Variants in TFEC observed in about 807,000 individuals in gnomAD.
TFEC encodes class E basic helix-loop-helix protein 34.
In TFEC, 31 loss-of-function variants were observed where a neutral mutation model predicts 41.6. The ratio of observed to expected loss-of-function variants is 0.74; its 90% CI spans 0.56 to 1.01. The LOEUF (loss-of-function observed/expected upper bound fraction) is 1.01. Among genes scored for constraint, TFEC ranks in the 50% least tolerant of loss-of-function variants. The pLI is 0.00. For missense variants in TFEC, 402 were observed against 404.1 expected (o/e 0.99, Z 0.04); for synonymous variants, 143 against 140.6 (o/e 1.02, Z -0.12).
chr7:116,101,244 A>C (rs1001041746), intron 3 of TFEC, among the ~76,000 whole-genome samples: 3 of 148,912 alleles, frequency 2.0e-5, no homozygotes, highest in African/African-American at 7.4e-5. Flanking sequence ...GAGGATGGAC[A>C]CAAAGACTGA....
intron 3 of TFEC, among the ~76,000 whole-genome samples, chr7:116,053,538 G>A (rs1237317916): frequency 1.3e-5 from 2 of 152,222 alleles, no homozygotes; most frequent in East Asian, 1.9e-4. Flanking sequence ...GGTGGAAAAC[G>A]GGTGATTTGA....
chr7:116,057,403 C>G (rs1037328513), intron 3 of TFEC, among the ~76,000 whole-genome samples: 3 of 151,990 alleles, frequency 2.0e-5, no homozygotes, highest in South Asian at 2.1e-4. Context: ...AGATTTCTAT[C>G]ACTGAAGGTC....
intron 1 of TFEC, among the ~76,000 whole-genome samples, chr7:116,149,347 T>C (rs1316710307): frequency 1.3e-5 from 2 of 152,078 alleles, no homozygotes; most frequent in African/African-American, 4.8e-5. Context: ...TTTACACCAA[T>C]AAATTTGAAA....
At chr7:116,002,281 C>A (rs933252710) in intron 1 of TFEC, among the ~76,000 whole-genome samples, 1 of 152,174 alleles carries the variant, frequency 6.6e-6, no homozygotes, top group African/African-American at 2.4e-5. Context: ...ACCTAAGGAT[C>A]TATCAACATA....
At chr7:115,942,587 C>A (rs1793561294) in intron 6 of TFEC, among the ~76,000 whole-genome samples, 1 of 152,004 alleles carries the variant, frequency 6.6e-6, no homozygotes, top group African/African-American at 2.4e-5. Context: ...TGTAATAGAG[C>A]AAACTTTCTA....
At chr7:116,033,758 T>C (rs1183021272), upstream of TFEC, among the ~76,000 whole-genome samples, 2 of 152,144 alleles carry the variant, frequency 1.3e-5, no homozygotes, top group African/African-American at 2.4e-5. Flanking sequence ...TCATTCCTTT[T>C]AGAATACAAG....
intron 1 of TFEC, among the ~76,000 whole-genome samples, chr7:116,137,771 T>C (rs1193771152): frequency 2.0e-5 from 3 of 152,126 alleles, no homozygotes; most frequent in East Asian, 1.9e-4. Context: ...TACCTTCCTA[T>C]CAATTTATAA....
intron 1 of TFEC, among the ~76,000 whole-genome samples, chr7:116,133,149 CAA>C (rs761969799): frequency 3.3e-5 from 5 of 152,164 alleles, no homozygotes; most frequent in East Asian, 1.9e-4. Context: ...TACATAATGA[CAA>C]AGAGTGATTT....
intron 3 of TFEC, among the ~76,000 whole-genome samples, chr7:116,104,652 T>C (rs1360499974): frequency 6.6e-6 from 1 of 152,120 alleles, no homozygotes; most frequent in Non-Finnish European, 1.5e-5. Context: ...GTTTCTCTAA[T>C]TTCTATCCCT....
At chr7:116,000,304 C>T (rs1404810330) in intron 1 of TFEC, among the ~76,000 whole-genome samples, 1 of 151,974 alleles carries the variant, frequency 6.6e-6, no homozygotes, top group Non-Finnish European at 1.5e-5. Flanking sequence ...ATAGAAGCAA[C>T]TCACCTCAAT....
intron 1 of TFEC, among the ~76,000 whole-genome samples, chr7:116,018,076 C>G (rs1795261266): frequency 6.6e-6 from 1 of 151,910 alleles, no homozygotes; most frequent in South Asian, 2.1e-4. Flanking sequence ...TAATAACTAC[C>G]ACATATTAAA....
At chr7:116,113,831 T>C (rs925151838) in intron 1 of TFEC, among the ~76,000 whole-genome samples, 1 of 151,976 alleles carries the variant, frequency 6.6e-6, no homozygotes, top group African/African-American at 2.4e-5. Flanking sequence ...TGAAAATAAC[T>C]CTCAGGTCTC....
At chr7:115,946,808 T>C (rs1236212824) in intron 6 of TFEC, among the ~76,000 whole-genome samples, 1 of 151,370 alleles carries the variant, frequency 6.6e-6, no homozygotes, top group East Asian at 2.0e-4. Flanking sequence ...AGTACTGGGA[T>C]TACAGGCATG....
chr7:116,150,774 T>A, intron 1 of TFEC, among the ~76,000 whole-genome samples: 1 of 152,244 alleles, frequency 6.6e-6, no homozygotes, highest in South Asian at 2.1e-4. Flanking sequence ...AGAGTTTTCA[T>A]GTTCTTATAT....
chr7:115,963,532 A>G (rs1792678346), intron 3 of TFEC, among the ~76,000 whole-genome samples: 1 of 151,814 alleles, frequency 6.6e-6, no homozygotes, highest in Non-Finnish European at 1.5e-5. Flanking sequence ...GTCCATCAAC[A>G]GATGAATAGA....
intron 1 of TFEC, among the ~76,000 whole-genome samples, chr7:116,001,034 G>C (rs1224341685): frequency 2.0e-5 from 3 of 151,628 alleles, no homozygotes; most frequent in African/African-American, 7.2e-5. Flanking sequence ...ACATACTGGA[G>C]GAATCACATT....
At chr7:116,134,240 T>C (rs2116337381) in intron 1 of TFEC, among the ~76,000 whole-genome samples, 1 of 152,324 alleles carries the variant, frequency 6.6e-6, no homozygotes. Flanking sequence ...GATTAAATAG[T>C]TGAAAAGCTG....
chr7:116,087,051 C>A (rs1463140133), intron 3 of TFEC, among the ~76,000 whole-genome samples: 1 of 151,836 alleles, frequency 6.6e-6, no homozygotes. Flanking sequence ...CAATTTAAAC[C>A]ATTACAAGGA....
At chr7:115,995,105 C>G (rs550560743) in intron 1 of TFEC, among the ~76,000 whole-genome samples, 2 of 150,892 alleles carry the variant, frequency 1.3e-5, no homozygotes, top group Admixed American at 6.6e-5. Context: ...GGACAGAAAA[C>G]CAAACACCAC....
Sources: allele counts gnomAD v4.1 joint callset (sites outside exome capture counted in the v4.1 genomes callset), GRCh38; gene constraint gnomAD v4.1.1; transcripts MANE v1.5; gene names NCBI Gene and HGNC (gene_info 2026-07-23, HGNC 2026-07-21).